SELP: variants seen among roughly 807,000 people sequenced by gnomAD.
The protein encoded by SELP is P-selectin.
SELP carries 92 observed loss-of-function variants against 104.1 expected under a neutral mutation model. That is an observed-to-expected ratio of 0.88 (90% CI 0.75 to 1.05). SELP has a LOEUF of 1.05. Among genes scored for constraint, SELP ranks in the 50% least tolerant of loss-of-function variants. The pLI, the probability that SELP is intolerant of heterozygous loss-of-function variation, is 0.00. For missense variants in SELP, 1,022 were observed against 1,017.3 expected (o/e 1.00, Z -0.06); for synonymous variants, 397 against 364.5 (o/e 1.09, Z -1.01).
At chr1:169,606,470 A>G (rs1052185829) in intron 9 of SELP, among the ~76,000 whole-genome samples, 4 of 152,094 alleles carry the variant, frequency 2.6e-5, no homozygotes, top group African/African-American at 4.8e-5. Context: ...TATTTCTCCA[A>G]TTTTATACAG....
In SELP at chr1:169,591,473, G is replaced by C; in HGVS notation, c.2408-17C>G. The C allele has an allele frequency of 6.6e-7, 1 of 1,504,206 alleles. No individual in the cohort carries two copies. Among genetic ancestry groups the C allele is most frequent in the Non-Finnish European group, 9.0e-7 (1 of 1,109,008 alleles). 93.2% of individuals were successfully genotyped at this position (1,504,206 alleles called of 1,614,324 possible). A position where few individuals can be genotyped will look rare whatever the true frequency, so the allele number is the denominator to read the frequency against. ...TCCCATCATCTAAAATCAGCAAGAA[G>C]ACAAGAATGAATGATTAAAAAAAAA... On this transcript the variant is annotated splice_polypyrimidine_tract_variant and intron_variant, in intron 14 of 16. Coordinates refer to ENST00000263686, the MANE Select transcript of SELP (RefSeq NM_003005.4).
chr1:169,593,851 G>A (rs982498027), intron 13 of SELP, 127 bp from the exon 14 acceptor site: 3 of 865,956 alleles, frequency 3.5e-6, no homozygotes, highest in Non-Finnish European at 3.5e-6. Context: ...AAAGGTCCTG[G>A]GAATGCTGAC....
In SELP at chr1:169,606,835, A is replaced by C. The variant is rs1196640317; in HGVS notation, c.1519+114T>G. ...AAGAGGATGAGTGAGAGTATTTATG[A>C]ATTTTCCAGTCCATTTCAAGGTGGA... On this transcript the variant is annotated intron_variant, in intron 9 of 16. Coordinates refer to ENST00000263686, the MANE Select transcript of SELP (RefSeq NM_003005.4). 4.2e-6 allele frequency: 4 copies of C among 951,824 alleles called. No homozygotes were observed. In the Admixed American group the frequency reaches 1.1e-4, roughly 25 times the overall value. 59.0% of individuals were successfully genotyped at this position (951,824 alleles called of 1,614,324 possible). A position where few individuals can be genotyped will look rare whatever the true frequency, so the allele number is the denominator to read the frequency against.
intron 10 of SELP, among the ~76,000 whole-genome samples, chr1:169,597,384 A>G (rs1661682121): frequency 6.6e-6 from 1 of 152,220 alleles, no homozygotes; most frequent in Non-Finnish European, 1.5e-5. Context: ...AGAGAAGAGT[A>G]TAGGTACAAG....
intron 1 of SELP, among the ~76,000 whole-genome samples, chr1:169,625,757 C>T (rs1241016869): frequency 6.6e-6 from 1 of 152,150 alleles, no homozygotes; most frequent in African/African-American, 2.4e-5. Context: ...TAACTGAATG[C>T]ATTACTTTTA....
At chr1:169,608,418 C>G (rs1022782260) in intron 8 of SELP, among the ~76,000 whole-genome samples, 1 of 152,252 alleles carries the variant, frequency 6.6e-6, no homozygotes, top group African/African-American at 2.4e-5. Context: ...GTCTCTATGA[C>G]TTTGACTACT....
In SELP at chr1:169,588,950, C is replaced by A. The variant is rs780055772; in HGVS notation, c.*513G>T. The A allele has an allele frequency of 6.6e-6, 1 of 152,274 alleles. No homozygotes were observed. Among genetic ancestry groups the A allele is most frequent in the South Asian group, 2.1e-4 (1 of 4,826 alleles). The allele number at this position is 152,274 out of a possible 1,614,324, so 9.4% of individuals were successfully genotyped here. A position where few individuals can be genotyped will look rare whatever the true frequency, so the allele number is the denominator to read the frequency against. On this transcript the variant is annotated 3_prime_UTR_variant, in exon 17 of 17. Transcript: ENST00000263686. ...AAGGTCCACGGTGACATGTGGCCTTCTAGCTTGATTCTTGGCCTTCTGCAG... is the reference window on the plus strand; with the variant it reads ...AAGGTCCACGGTGACATGTGGCCTTATAGCTTGATTCTTGGCCTTCTGCAG...
At chr1:169,618,864 C>T (rs892230818) in intron 2 of SELP, among the ~76,000 whole-genome samples, 14 of 152,162 alleles carry the variant, frequency 9.2e-5, no homozygotes, top group African/African-American at 1.7e-4. Flanking sequence ...GAAATTCAGA[C>T]GTGTGTGGGT....
At position 169,612,364 on chromosome 1, in the gene SELP, T is replaced by G; in HGVS notation, c.814A>C (p.Asn272His). Residue 272 changes from asparagine (N) to histidine (H), a missense_variant, in exon 6 of 17, where the codon AAC becomes CAC. Physicochemically the swap from Asn to His is moderately conservative, Grantham distance 68. Coordinates refer to ENST00000263686, the MANE Select transcript of SELP (RefSeq NM_003005.4). Reference sequence around the variant, plus strand: ...TTTGCAGAATGAAGGCAGGTCATGTTTCCTCGTTCAGGAATCTTCAGGGGT... The same window carrying G: ...TTTGCAGAATGAAGGCAGGTCATGTGTCCTCGTTCAGGAATCTTCAGGGGT... ...CPPLKIPERGNMTCLHSAKAF... is the reference protein window; with the variant it reads ...CPPLKIPERGHMTCLHSAKAF... 5 of 1,614,120 alleles carry G rather than the reference T, an allele frequency of 3.1e-6. No individual in the cohort carries two copies. The highest frequency in any genetic ancestry group is 4.2e-6 in the Non-Finnish European group (5 of 1,179,988).
chr1:169,614,902 A>G (rs2101909819), intron 3 of SELP, among the ~76,000 whole-genome samples: 1 of 152,166 alleles, frequency 6.6e-6, no homozygotes, highest in East Asian at 1.9e-4. Context: ...TAACCCCACC[A>G]ATGTCTTAAT....
chr1:169,608,847 C>T (rs1054210621), intron 8 of SELP, among the ~76,000 whole-genome samples: 6 of 152,054 alleles, frequency 3.9e-5, no homozygotes, highest in East Asian at 3.9e-4. Context: ...AGGTACTCCT[C>T]GTAAAAAAAA....
chr1:169,600,774 AC>A (rs1238863838), intron 10 of SELP, among the ~76,000 whole-genome samples: 1 of 152,216 alleles, frequency 6.6e-6, no homozygotes, highest in African/African-American at 2.4e-5. Context: ...AATAAGAGGA[AC>A]CATTTGCCTA....
At chr1:169,616,982 GTT>G (rs746205276) in intron 3 of SELP, 44 bp downstream of exon 3, 57 of 1,092,034 alleles carry the variant, frequency 5.2e-5, no homozygotes, top group South Asian at 2.8e-4. Flanking sequence ...AGAAGGCAGG[GTT>G]TTTTTTTTTT....
rs542010120 is a variant in SELP, at chr1:169,619,418, T to C, written c.4-199A>G. 1.1e-4 allele frequency among the ~76,000 whole-genome samples: 16 copies of C among 152,352 alleles called. No individual in the cohort carries two copies. The South Asian group carries it at 2.7e-3, about 26-fold the overall frequency. On this transcript the variant is annotated intron_variant, in intron 1 of 16. Transcript: ENST00000263686. The stretch of plus-strand genomic sequence containing the variant: ...CCCTGGATGGACACTGTAGCAAGGC[T>C]GGGGACAGAGTTCATTTCTTCATTC...
intron 7 of SELP, among the ~76,000 whole-genome samples, chr1:169,610,708 G>C (rs1287767373): frequency 6.6e-6 from 1 of 152,096 alleles, no homozygotes; most frequent in African/African-American, 2.4e-5. Flanking sequence ...GAACCTGGGA[G>C]GCAGAGGTTG....
intron 3 of SELP, among the ~76,000 whole-genome samples, chr1:169,616,780 G>A (rs1883247): frequency 6.6e-6 from 1 of 152,186 alleles, no homozygotes; most frequent in Non-Finnish European, 1.5e-5. Flanking sequence ...CTTTTCATCA[G>A]TTATAAGATG....
Position 169,628,188 on chromosome 1 carries a change from G to A in SELP, c.3+1884C>T, listed in dbSNP as rs1278911549. On this transcript the variant is annotated intron_variant, in intron 1 of 16. Transcript: ENST00000263686. Reference sequence around the variant, plus strand: ...TGGGATTACAGGCATGAGCCACTGAGCCCGGCCATAGCCCGCTAAAACTTT... The same window carrying A: ...TGGGATTACAGGCATGAGCCACTGAACCCGGCCATAGCCCGCTAAAACTTT... Among the ~76,000 whole-genome samples the A allele has an allele frequency of 3.9e-5, 6 of 152,322 alleles. No individual in the cohort carries two copies. In the East Asian group the frequency reaches 7.7e-4, roughly 20 times the overall value.
At chr1:169,605,257 G>A (rs566118908) in intron 9 of SELP, among the ~76,000 whole-genome samples, 7 of 152,248 alleles carry the variant, frequency 4.6e-5, no homozygotes, top group South Asian at 2.1e-4. Flanking sequence ...AGACTTCAAC[G>A]TAGCCAGGAT....
chr1:169,629,996 C>A (rs1663557209), intron 1 of SELP, 76 bp downstream of exon 1: 3 of 1,591,532 alleles, frequency 1.9e-6, no homozygotes, highest in African/African-American at 2.7e-5. Context: ...CTTTCTGAAC[C>A]TTTACCTGCC....
Sources: gnomAD v4.1 joint callset for allele counts (sites outside exome capture counted in the v4.1 genomes callset) on GRCh38, gnomAD v4.1.1 for gene constraint, MANE v1.5 for transcripts, NCBI Gene and HGNC (gene_info 2026-07-23, HGNC 2026-07-21) for gene names.